AFAP1: variants seen among roughly 807,000 people sequenced by gnomAD.
AFAP1 encodes actin filament associated protein 1.
In AFAP1, 75 loss-of-function variants were observed where a neutral mutation model predicts 93.9. The ratio of observed to expected loss-of-function variants is 0.80; its 90% CI spans 0.66 to 0.97. AFAP1 has a LOEUF of 0.97. Among genes scored for constraint, AFAP1 ranks in the 50% least tolerant of loss-of-function variants. The pLI is 0.00. For missense variants in AFAP1, 1,201 were observed against 1,050.8 expected (o/e 1.14, Z -1.98); for synonymous variants, 517 against 430.7 (o/e 1.20, Z -2.48).
rs1577325563 is a variant in AFAP1, at chr4:7,874,355, T to TC, written c.-2-2276dup. On this transcript the variant is annotated intron_variant, in intron 1 of 17. Coordinates refer to ENST00000420658, the MANE Select transcript of AFAP1 (RefSeq NM_001134647.2). The stretch of plus-strand genomic sequence containing the variant: ...TCTGTGGGAGGTCAGATTGCCTTTT[T>TC]CTTTTTTTTTTTTTTTTTTTTTTTT... Among the ~76,000 whole-genome samples the TC allele has an allele frequency of 4.3e-5, 5 of 116,948 alleles. No individual in the cohort carries two copies. The East Asian group carries it at 1.2e-3, about 29-fold the overall frequency. 76.7% of individuals were successfully genotyped at this position (116,948 alleles called of 152,430 possible). A position where few individuals can be genotyped will look rare whatever the true frequency, so the allele number is the denominator to read the frequency against.
intron 1 of AFAP1, chr4:7,938,890 A>G (rs1447105602): frequency 1.3e-5 from 2 of 151,966 alleles, no homozygotes; most frequent in African/African-American, 4.8e-5. Context: ...CCCGCCGGCC[A>G]GGGGAGAGGA....
intron 12 of AFAP1, among the ~76,000 whole-genome samples, chr4:7,784,707 A>G (rs905636634): frequency 1.3e-5 from 2 of 152,118 alleles, no homozygotes; most frequent in African/African-American, 4.8e-5. Context: ...CACTGCGTCC[A>G]TCGTGGCTCC....
At chr4:7,890,577 C>T (rs1184160346) in intron 1 of AFAP1, among the ~76,000 whole-genome samples, 1 of 152,122 alleles carries the variant, frequency 6.6e-6, no homozygotes, top group Non-Finnish European at 1.5e-5. Context: ...TTTCATGACA[C>T]AGCACTTGTA....
At position 7,853,351 on chromosome 4, in the gene AFAP1, T is replaced by C. The variant is rs563281109; in HGVS notation, c.334+2115A>G. On this transcript the variant is annotated intron_variant, in intron 4 of 17. Coordinates refer to ENST00000420658, the MANE Select transcript of AFAP1 (RefSeq NM_001134647.2). ...TTTCTTAGATGATTCTGGGCTAGGG[T>C]GGCCCTGAGAGAAATCTGGGAGTGA... 2.6e-5 allele frequency among the ~76,000 whole-genome samples: 4 copies of C among 152,102 alleles called. No homozygotes were observed. The South Asian group carries it at 8.3e-4, about 32-fold the overall frequency.
chr4:7,779,566 G>C (rs1035252287), intron 13 of AFAP1, among the ~76,000 whole-genome samples: 2 of 152,206 alleles, frequency 1.3e-5, no homozygotes, highest in African/African-American at 4.8e-5. Context: ...GACAGCAAAG[G>C]CTCACTCCAG....
At position 7,807,787 on chromosome 4, in the gene AFAP1, G is replaced by A. The variant is rs553390122; in HGVS notation, c.1054+1827C>T. 2.6e-5 allele frequency among the ~76,000 whole-genome samples: 4 copies of A among 152,334 alleles called. No homozygotes were observed. The East Asian group carries it at 7.7e-4, about 29-fold the overall frequency. On this transcript the variant is annotated intron_variant, in intron 9 of 17. Transcript: ENST00000420658. ...CAGATCACACTGTGAAAGCTGCCGA[G>A]GAGCTGAGACTTTGCCTGTCCTCCC...
rs147915919 is a variant in AFAP1, at chr4:7,875,176, C to A, written c.-2-3096G>T. 1.1e-3 allele frequency among the ~76,000 whole-genome samples: 172 copies of A among 152,280 alleles called. 1 individual carries two copies. The highest frequency in any genetic ancestry group is 3.9e-3 in the African/African-American group (161 of 41,554). On this transcript the variant is annotated intron_variant, in intron 1 of 17. Transcript: ENST00000420658. ...TAAGCAAAAAAGTTTGAGAGCTGCT[C>A]GTCTGTGGGATTCTTCCAAATCTAC... is the stretch of plus-strand genomic sequence containing the variant.
At chr4:7,933,160 A>G (rs1320356752) in intron 1 of AFAP1, among the ~76,000 whole-genome samples, 2 of 151,574 alleles carry the variant, frequency 1.3e-5, no homozygotes, top group African/African-American at 4.9e-5. Context: ...GCGGTGGGAG[A>G]TTCTAACCCC....
chr4:7,776,688 G>A (rs1019440846), intron 14 of AFAP1: 2 of 152,164 alleles, frequency 1.3e-5, no homozygotes, highest in African/African-American at 4.8e-5. Flanking sequence ...CTAATCAAAA[G>A]AACCACATAG....
chr4:7,839,575 A>G (rs1322647945), intron 5 of AFAP1, among the ~76,000 whole-genome samples: 1 of 152,202 alleles, frequency 6.6e-6, no homozygotes, highest in Non-Finnish European at 1.5e-5. Context: ...TCTTTCTGAA[A>G]GACACAAATT....
intron 11 of AFAP1, among the ~76,000 whole-genome samples, chr4:7,792,998 T>C (rs1011880619): frequency 1.3e-5 from 2 of 152,208 alleles, no homozygotes; most frequent in African/African-American, 4.8e-5. Context: ...AATGTCTTAG[T>C]ATATTATGAA....
chr4:7,921,680 T>C (rs114373484), intron 1 of AFAP1, among the ~76,000 whole-genome samples: 7 of 152,252 alleles, frequency 4.6e-5, no homozygotes, highest in South Asian at 2.1e-4. Flanking sequence ...TTTCTAGCAA[T>C]GCATCCTATG....
chr4:7,801,216 C>T (rs1718989051), intron 9 of AFAP1, among the ~76,000 whole-genome samples: 1 of 152,214 alleles, frequency 6.6e-6, no homozygotes, highest in African/African-American at 2.4e-5. Flanking sequence ...GGCAGAGGCC[C>T]TGAGTGCAGG....
chr4:7,802,263 G>A (rs1410250118), intron 9 of AFAP1, among the ~76,000 whole-genome samples: 1 of 143,340 alleles, frequency 7.0e-6, no homozygotes, highest in East Asian at 1.9e-4. Context: ...GTTAGGGAGT[G>A]ACAGAGAAAG....
chr4:7,904,022 A>G (rs1719262220), intron 1 of AFAP1, among the ~76,000 whole-genome samples: 1 of 151,460 alleles, frequency 6.6e-6, no homozygotes, highest in African/African-American at 2.4e-5. Context: ...CTGTGCCTGC[A>G]CACGTGCAAA....
At chr4:7,778,665 C>T (rs972777534) in intron 14 of AFAP1, 97 bp downstream of exon 14, 32 of 1,181,742 alleles carry the variant, frequency 2.7e-5, no homozygotes, top group Non-Finnish European at 3.8e-5. Flanking sequence ...CTCCAGCTGA[C>T]CCCAAGCTGG....
At chr4:7,838,222 T>A (rs1019748995) in intron 6 of AFAP1, among the ~76,000 whole-genome samples, 1 of 151,958 alleles carries the variant, frequency 6.6e-6, no homozygotes, top group Admixed American at 6.5e-5. Context: ...CCAACCAGAA[T>A]AAAATTTAAA....
intron 10 of AFAP1, among the ~76,000 whole-genome samples, chr4:7,798,600 G>A (rs1028602076): frequency 2.6e-5 from 4 of 152,238 alleles, no homozygotes; most frequent in African/African-American, 4.8e-5. Context: ...AGTTGTACAC[G>A]AAGTGATACT....
chr4:7,876,825 C>T (rs184035099), intron 1 of AFAP1, among the ~76,000 whole-genome samples: 8 of 152,298 alleles, frequency 5.3e-5, no homozygotes, highest in Admixed American at 6.5e-5. Context: ...AGCTCTCTAG[C>T]GCCTCAGAAA....
Sources: allele counts gnomAD v4.1 joint callset (sites outside exome capture counted in the v4.1 genomes callset), GRCh38; gene constraint gnomAD v4.1.1; transcripts MANE v1.5; gene names NCBI Gene and HGNC (gene_info 2026-07-23, HGNC 2026-07-21).